Variants in PIKFYVE observed in about 807,000 individuals in gnomAD.
PIKFYVE encodes phosphoinositide kinase, FYVE-type zinc finger containing, also known as 1-phosphatidylinositol 3-phosphate 5-kinase.
In PIKFYVE, 122 loss-of-function variants were observed where a neutral mutation model predicts 257.9. The observed-to-expected ratio is 0.47, with a 90% confidence interval of 0.41 to 0.55. PIKFYVE has a LOEUF of 0.55. PIKFYVE is among the 20% of genes least tolerant of loss of function. PIKFYVE has a pLI of 0.00. For missense variants in PIKFYVE, 2,160 were observed against 2,536.6 expected (o/e 0.85, Z 3.19); for synonymous variants, 892 against 868.9 (o/e 1.03, Z -0.47).
chr2:208,317,826 G>A (rs1695723371), intron 15 of PIKFYVE, 41 bp from the exon 16 acceptor site: 1 of 1,509,122 alleles, frequency 6.6e-7, no homozygotes, highest in Non-Finnish European at 9.2e-7. Context: ...TTCTAAGCAT[G>A]TTATCATTGA....
At chr2:208,271,839 C>T (rs900899631) in intron 2 of PIKFYVE, 148 bp downstream of exon 2, 23 of 768,650 alleles carry the variant, frequency 3.0e-5, no homozygotes, top group Non-Finnish European at 4.8e-5. Context: ...TATTAACAAG[C>T]GATAGCTTTA....
At chr2:208,350,457 C>T (rs1699671743) in intron 36 of PIKFYVE, among the ~76,000 whole-genome samples, 1 of 152,000 alleles carries the variant, frequency 6.6e-6, no homozygotes, top group African/African-American at 2.4e-5. Flanking sequence ...TTAAGAATTA[C>T]TATAAAAGTA....
At chr2:208,288,592 A>G (rs78467785) in intron 6 of PIKFYVE, 137 bp from the exon 7 acceptor site, 16,750 of 1,346,424 alleles carry the variant, frequency 0.012, 143 homozygotes, top group Middle Eastern at 0.018. Context: ...CACCCTAATT[A>G]AAGGAAGAAC....
chr2:208,298,967 T>C (rs913023314), intron 8 of PIKFYVE, among the ~76,000 whole-genome samples, 188 bp downstream of exon 8: 1 of 152,086 alleles, frequency 6.6e-6, no homozygotes, highest in Non-Finnish European at 1.5e-5. Context: ...CTTAGTCTCC[T>C]GAGTAGCTGG....
At chr2:208,342,795 T>A (rs1698834175) in intron 32 of PIKFYVE, 146 bp downstream of exon 32, 7 of 105,810 alleles carry the variant, frequency 6.6e-5, no homozygotes, top group South Asian at 1.4e-4. Context: ...TAGCTTGTTC[T>A]TTTTTTTTTT....
At chr2:208,348,634 G>GTGTGTGTGTGTA (rs1483606740) in intron 35 of PIKFYVE, among the ~76,000 whole-genome samples, 1 of 150,938 alleles carries the variant, frequency 6.6e-6, no homozygotes, top group African/African-American at 2.4e-5. Flanking sequence ...GTGTGTGTGT[G>GTGTGTGTGTGTA]TGTATCTACC....
intron 7 of PIKFYVE, among the ~76,000 whole-genome samples, chr2:208,297,331 A>C (rs1693110904): frequency 6.6e-6 from 1 of 152,222 alleles, no homozygotes; most frequent in African/African-American, 2.4e-5. Flanking sequence ...TTAAGAAATA[A>C]TAGCAAGCTT....
At chr2:208,353,548 T>C (rs1295811379) in intron 39 of PIKFYVE, among the ~76,000 whole-genome samples, 2 of 152,124 alleles carry the variant, frequency 1.3e-5, no homozygotes, top group Non-Finnish European at 2.9e-5. Context: ...TCTCTCTCTT[T>C]TTTTTTTTAA....
chr2:208,317,588 TAAAC>T (rs1241615468), intron 15 of PIKFYVE, among the ~76,000 whole-genome samples: 2 of 152,186 alleles, frequency 1.3e-5, no homozygotes, highest in Non-Finnish European at 1.5e-5. Flanking sequence ...ATATTTAACT[TAAAC>T]AATAGTGTTA....
chr2:208,324,171 G>T lies in PIKFYVE; in HGVS notation c.2220G>T (p.Gln740His). The T allele has an allele frequency of 5.0e-6, 8 of 1,613,794 alleles. No homozygotes were observed. The highest frequency in any genetic ancestry group is 6.8e-6 in the Non-Finnish European group (8 of 1,179,718). Residue 740 changes from glutamine to histidine, a missense_variant, in exon 18 of 42, where the codon CAG becomes CAT. By Grantham distance (24) the Gln-to-His change is conservative (BLOSUM62 0). This residue lies in a region of PIKFYVE where 346 missense variants were observed against 365.6 expected (regional missense o/e 0.95). Coordinates refer to ENST00000264380, the MANE Select transcript of PIKFYVE (RefSeq NM_015040.4). ...QEREFLKNYVQRIVDVRPTLV... is the reference protein window; with the variant it reads ...QEREFLKNYVHRIVDVRPTLV... Reference sequence around the variant, plus strand: ...GGGAATTCTTGAAGAATTATGTCCAGCGAATAGTTGATGTTCGACCCACCT... The same window carrying T: ...GGGAATTCTTGAAGAATTATGTCCATCGAATAGTTGATGTTCGACCCACCT...
chr2:208,355,430 G>T lies in PIKFYVE; in HGVS notation c.*125G>T. On this transcript the variant is annotated 3_prime_UTR_variant, in exon 42 of 42. Coordinates refer to ENST00000264380, the MANE Select transcript of PIKFYVE (RefSeq NM_015040.4). ...CTGTATGCCAAGGCTTTTCAGTTCT[G>T]TGGCTGTTTAGACTGTCCGTAATGG... 1 of 801,466 alleles carries T rather than the reference G, an allele frequency of 1.2e-6. No homozygotes were observed. The highest frequency in any genetic ancestry group is 2.0e-6 in the Non-Finnish European group (1 of 488,818). 49.6% of individuals were successfully genotyped at this position (801,466 alleles called of 1,614,324 possible).
At chr2:208,350,199 A>G in intron 36 of PIKFYVE, 116 bp downstream of exon 36, 2 of 1,464,588 alleles carry the variant, frequency 1.4e-6, no homozygotes, top group Non-Finnish European at 1.8e-6. Flanking sequence ...TGAAATGAAT[A>G]TTAAGTCTTT....
At chr2:208,287,291 C>CA (rs1691701298) in intron 6 of PIKFYVE, among the ~76,000 whole-genome samples, 1 of 137,008 alleles carries the variant, frequency 7.3e-6, no homozygotes, top group African/African-American at 2.7e-5. Context: ...TTTTTTGAGA[C>CA]AGAGTTTTTT....
rs764979010 is a variant in PIKFYVE, at chr2:208,335,443, C to CT, written c.4256+31dup. ...AAGTAAGTTCAGTTTCTTTTATCAT[C>CT]TTTTTTTGTTTATTTACAGCTATTT... is the stretch of plus-strand genomic sequence containing the variant. On this transcript the variant is annotated intron_variant, in intron 25 of 41. Transcript: ENST00000264380. 70 of 1,469,378 alleles carry CT rather than the reference C, an allele frequency of 4.8e-5. 1 individual carries two copies. The South Asian group carries it at 7.4e-4, about 16-fold the overall frequency. The allele number at this position is 1,469,378 out of a possible 1,614,324, so 91.0% of individuals were successfully genotyped here. A position where few individuals can be genotyped will look rare whatever the true frequency, so the allele number is the denominator to read the frequency against.
intron 12 of PIKFYVE, among the ~76,000 whole-genome samples, chr2:208,311,928 A>G (rs949865212): frequency 5.9e-5 from 9 of 152,146 alleles, no homozygotes; most frequent in African/African-American, 2.2e-4. Context: ...TGAAGATTTA[A>G]TTTTCATAAA....
intron 16 of PIKFYVE, among the ~76,000 whole-genome samples, chr2:208,318,809 G>A (rs1046454372): frequency 3.9e-5 from 6 of 152,058 alleles, no homozygotes; most frequent in African/African-American, 9.7e-5. Context: ...AAAGTTAGCC[G>A]GCGTGGTGGC....
At position 208,304,365 on chromosome 2, in the gene PIKFYVE, G is replaced by A. The variant is rs1310452842; in HGVS notation, c.1468+47G>A. 4 of 1,583,160 alleles carry A rather than the reference G, an allele frequency of 2.5e-6. 1 individual carries two copies. The South Asian group carries it at 3.3e-5, about 13-fold the overall frequency. On this transcript the variant is annotated intron_variant, in intron 11 of 41. Transcript: ENST00000264380. ...TTTAGTTTTGATGGGTCATTGCTGT[G>A]TATGTATGATAAAATGATTATCTTG...
chr2:208,350,168 C>G, intron 36 of PIKFYVE, 85 bp downstream of exon 36: 1 of 1,559,742 alleles, frequency 6.4e-7, no homozygotes, highest in Non-Finnish European at 8.7e-7. Context: ...TAGCTTCATA[C>G]TAAATAAATG....
intron 40 of PIKFYVE, among the ~76,000 whole-genome samples, 184 bp from the exon 41 acceptor site, chr2:208,354,387 T>G (rs546479515): frequency 6.6e-6 from 1 of 152,348 alleles, no homozygotes; most frequent in Non-Finnish European, 1.5e-5. Flanking sequence ...ATGAGGACTT[T>G]TGTGATTGTT....
Sources: gnomAD v4.1 joint callset for allele counts (sites outside exome capture counted in the v4.1 genomes callset) on GRCh38, gnomAD v4.1.1 for gene constraint, gnomAD v4.1.1 regional missense constraint, MANE v1.5 for transcripts, NCBI Gene and HGNC (gene_info 2026-07-23, HGNC 2026-07-21) for gene names.